CDH12: variants seen among roughly 807,000 people sequenced by gnomAD.
CDH12 encodes cadherin-12.
Under a neutral mutation model 74.1 loss-of-function variants are expected in CDH12, and 41 were observed. That is an observed-to-expected ratio of 0.55 (90% CI 0.43 to 0.72). The LOEUF (loss-of-function observed/expected upper bound fraction) is 0.72. Among genes scored for constraint, CDH12 ranks in the 30% least tolerant of loss-of-function variants. The pLI, the probability that CDH12 is intolerant of heterozygous loss-of-function variation, is 0.00. For synonymous variants in CDH12, 399 were observed against 355.0 expected (o/e 1.12, Z -1.39); for missense variants, 945 against 977.2 (o/e 0.97, Z 0.44).
intron 4 of CDH12, among the ~76,000 whole-genome samples, chr5:22,159,952 T>C (rs1208700223): frequency 1.3e-5 from 2 of 152,196 alleles, no homozygotes; most frequent in Admixed American, 1.3e-4. Flanking sequence ...TGCCTGTGTG[T>C]GTATGATTCT....
chr5:22,583,070 G>A (rs1236617733), intron 1 of CDH12, among the ~76,000 whole-genome samples: 1 of 151,116 alleles, frequency 6.6e-6, no homozygotes, highest in Non-Finnish European at 1.5e-5. Flanking sequence ...AAATTTCAGG[G>A]CACTCATCTA....
intron 9 of CDH12, among the ~76,000 whole-genome samples, chr5:21,802,992 G>T (rs1168717151): frequency 6.6e-6 from 1 of 152,138 alleles, no homozygotes; most frequent in Non-Finnish European, 1.5e-5. Context: ...TACATGCTAG[G>T]TAGGGCTTAA....
intron 4 of CDH12, among the ~76,000 whole-genome samples, chr5:22,137,121 T>C (rs1382898396): frequency 6.6e-6 from 1 of 151,878 alleles, no homozygotes; most frequent in Non-Finnish European, 1.5e-5. Flanking sequence ...AGTTTCTATT[T>C]CTAAGAGCCT....
intron 3 of CDH12, among the ~76,000 whole-genome samples, chr5:22,244,740 A>AAAAGAAGG (rs1752874101): frequency 1.1e-5 from 1 of 92,570 alleles, no homozygotes; most frequent in Non-Finnish European, 2.4e-5. Flanking sequence ...AGAAAGAAAG[A>AAAAGAAGG]AAAGAAAGAA....
intron 4 of CDH12, among the ~76,000 whole-genome samples, chr5:22,199,374 G>C (rs890792300): frequency 6.6e-6 from 1 of 152,188 alleles, no homozygotes; most frequent in Non-Finnish European, 1.5e-5. Context: ...GTGAGGGTGG[G>C]AGATGGCTGG....
chr5:22,423,284 C>G (rs969992851), intron 2 of CDH12, among the ~76,000 whole-genome samples: 1 of 151,450 alleles, frequency 6.6e-6, no homozygotes, highest in African/African-American at 2.4e-5. Context: ...TTAAAAGGAC[C>G]TATGGCATAC....
chr5:22,848,502 A>T (rs1355547295), intron 1 of CDH12, among the ~76,000 whole-genome samples: 1 of 152,160 alleles, frequency 6.6e-6, no homozygotes. Flanking sequence ...AATTTGTAAT[A>T]TTATTGTTCA....
intron 5 of CDH12, among the ~76,000 whole-genome samples, chr5:21,982,910 TTATG>T (rs1355636048): frequency 6.6e-6 from 1 of 151,422 alleles, no homozygotes; most frequent in African/African-American, 2.5e-5. Context: ...GTGGTTTTAT[TTATG>T]TATTTTTTTA....
intron 7 of CDH12, among the ~76,000 whole-genome samples, chr5:21,846,201 C>T (rs1003357320): frequency 6.6e-6 from 1 of 152,160 alleles, no homozygotes; most frequent in African/African-American, 2.4e-5. Context: ...AAACAGTACA[C>T]CTGGTCTGAC....
At chr5:22,608,711 G>T (rs1737241646) in intron 1 of CDH12, among the ~76,000 whole-genome samples, 1 of 152,128 alleles carries the variant, frequency 6.6e-6, no homozygotes, top group Non-Finnish European at 1.5e-5. Context: ...AACTGGATCA[G>T]GGAGCAGTTT....
chr5:21,890,399 A>C (rs1752842920), intron 6 of CDH12, among the ~76,000 whole-genome samples: 1 of 152,140 alleles, frequency 6.6e-6, no homozygotes, highest in South Asian at 2.1e-4. Context: ...GAGTAAAAAG[A>C]ACCCCAGAAA....
chr5:21,850,321 C>T (rs1750395766), intron 7 of CDH12, among the ~76,000 whole-genome samples: 1 of 150,998 alleles, frequency 6.6e-6, no homozygotes, highest in Non-Finnish European at 1.5e-5. Flanking sequence ...GAGGAGGAGC[C>T]AGGGGTAGTT....
At chr5:22,728,895 G>A (rs767122975) in intron 1 of CDH12, among the ~76,000 whole-genome samples, 4 of 151,718 alleles carry the variant, frequency 2.6e-5, no homozygotes, top group Non-Finnish European at 4.4e-5. Flanking sequence ...TGATGCTTAG[G>A]GTTTGAATAG....
intron 1 of CDH12, among the ~76,000 whole-genome samples, chr5:22,822,457 G>C (rs1429283134): frequency 6.7e-6 from 1 of 149,930 alleles, no homozygotes; most frequent in East Asian, 1.9e-4. Context: ...CCTACAGAAT[G>C]GGAGAAAATT....
Position 21,816,968 on chromosome 5 carries a change from C to G in CDH12, c.979G>C (p.Glu327Gln). The G allele has an allele frequency of 1.2e-6, 2 of 1,610,422 alleles. No homozygotes were observed. ...FDIVTDEDTQ[E>Q]GVIKLKKPLD... ...ACCTTTTTCAATTTGATGACTCCCT[C>G]TTGTGTATCCTCATCTGTGACGATG... is the stretch of plus-strand genomic sequence containing the variant. Residue 327 changes from glutamate (E) to glutamine (Q), a missense_variant, in exon 9 of 15, where the codon GAG becomes CAG. Glu to Gln is a conservative substitution (Grantham distance 29). Transcript: ENST00000382254.
chr5:22,205,196 A>T (rs1751154333), intron 4 of CDH12, among the ~76,000 whole-genome samples: 1 of 152,244 alleles, frequency 6.6e-6, no homozygotes, highest in South Asian at 2.1e-4. Flanking sequence ...CACAGAAATT[A>T]ATTTGGAATA....
intron 11 of CDH12, among the ~76,000 whole-genome samples, chr5:21,780,716 A>T (rs1364729361): frequency 6.6e-6 from 1 of 152,192 alleles, no homozygotes; most frequent in Admixed American, 6.6e-5. Context: ...CTGGAGTGAA[A>T]GTAACATGGT....
In CDH12 at chr5:22,021,730, TA is replaced by T. The variant is rs560846989; in HGVS notation, c.232-46346del. ...GGGTGAGTTAATGCTAATAGTTGAGTAAAAAATATGTATAGATTGTGTTGGC... is the reference window on the plus strand; with the variant it reads ...GGGTGAGTTAATGCTAATAGTTGAGTAAAAATATGTATAGATTGTGTTGGC... On this transcript the variant is annotated intron_variant, in intron 5 of 14. Coordinates refer to ENST00000382254, the MANE Select transcript of CDH12 (RefSeq NM_004061.5). Among the ~76,000 whole-genome samples, 564 of 152,290 alleles carry T rather than the reference TA, an allele frequency of 3.7e-3. 7 individuals carry two copies. Among genetic ancestry groups the T allele is most frequent in the African/African-American group, 0.013 (529 of 41,554 alleles).
intron 1 of CDH12, among the ~76,000 whole-genome samples, chr5:22,549,861 G>T (rs571804119): frequency 2.0e-5 from 3 of 152,160 alleles, no homozygotes; most frequent in Admixed American, 2.0e-4. Flanking sequence ...TTCAACTATG[G>T]GTCTCATATG....
Sources: gnomAD v4.1 joint callset for allele counts (sites outside exome capture counted in the v4.1 genomes callset) on GRCh38, gnomAD v4.1.1 for gene constraint, MANE v1.5 for transcripts, NCBI Gene and HGNC (gene_info 2026-07-23, HGNC 2026-07-21) for gene names.